The following HECW1 variants were observed in gnomAD, a reference collection of about 807,000 sequenced individuals.
HECW1 encodes E3 ubiquitin-protein ligase HECW1.
Under a neutral mutation model 182.3 loss-of-function variants are expected in HECW1, and 61 were observed. The observed-to-expected ratio is 0.33, with a 90% CI of 0.27 to 0.41. The LOEUF is 0.41. Ranked by LOEUF, HECW1 falls within the 10% of genes least tolerant of loss-of-function variation. The pLI is 1.00. For missense variants in HECW1, 1,739 were observed against 2,108.9 expected (o/e 0.82, Z 3.44); for synonymous variants, 859 against 832.6 (o/e 1.03, Z -0.55).
At chr7:43,114,739 T>C (rs569334934) in intron 2 of HECW1, among the ~76,000 whole-genome samples, 1 of 152,084 alleles carries the variant, frequency 6.6e-6, no homozygotes, top group Non-Finnish European at 1.5e-5. Context: ...TCTTTTTTTT[T>C]GGAGTAGTTT....
chr7:43,259,426 T>C (rs1355675140), intron 3 of HECW1, among the ~76,000 whole-genome samples: 1 of 151,248 alleles, frequency 6.6e-6, no homozygotes, highest in Non-Finnish European at 1.5e-5. Context: ...TTTAGAGTTA[T>C]AAAACATGGA....
intron 24 of HECW1, among the ~76,000 whole-genome samples, chr7:43,539,653 G>A (rs1229962917): frequency 2.5e-5 from 2 of 80,476 alleles, no homozygotes; most frequent in East Asian, 7.1e-4. Flanking sequence ...GGACCCTCAG[G>A]GGCCACCTCT....
At chr7:43,478,542 A>G (rs2078302604) in intron 16 of HECW1, among the ~76,000 whole-genome samples, 1 of 152,218 alleles carries the variant, frequency 6.6e-6, no homozygotes, top group Non-Finnish European at 1.5e-5. Flanking sequence ...GTAGTCATTA[A>G]AATTCTCCAT....
intron 5 of HECW1, among the ~76,000 whole-genome samples, chr7:43,332,291 C>T (rs564505748): frequency 3.9e-5 from 6 of 152,288 alleles, no homozygotes; most frequent in African/African-American, 9.6e-5. Context: ...CACAGACACA[C>T]GGAGCTGGAA....
At chr7:43,478,171 C>A (rs2078288789) in intron 16 of HECW1, among the ~76,000 whole-genome samples, 1 of 152,148 alleles carries the variant, frequency 6.6e-6, no homozygotes, top group African/African-American at 2.4e-5. Flanking sequence ...AACCCCAGCA[C>A]TTTGGGAGGG....
chr7:43,314,994 T>C (rs866246623), intron 4 of HECW1, among the ~76,000 whole-genome samples: 11 of 152,144 alleles, frequency 7.2e-5, no homozygotes, highest in African/African-American at 2.4e-4. Context: ...TAGCACAGCA[T>C]TGTGGTGCAG....
intron 5 of HECW1, among the ~76,000 whole-genome samples, chr7:43,325,647 G>A (rs538530018): frequency 3.3e-5 from 5 of 151,938 alleles, no homozygotes; most frequent in East Asian, 2.0e-4. Flanking sequence ...CGTAGGCACC[G>A]CCTCCTCACA....
chr7:43,197,059 G>T (rs1198009700), intron 2 of HECW1, among the ~76,000 whole-genome samples: 1 of 151,904 alleles, frequency 6.6e-6, no homozygotes, highest in Non-Finnish European at 1.5e-5. Flanking sequence ...AATTCTTAAA[G>T]AAAAGAAAAA....
intron 2 of HECW1, among the ~76,000 whole-genome samples, chr7:43,210,450 A>AGTGTGTGTGTGTGTGT (rs57987187): frequency 3.3e-4 from 48 of 145,510 alleles, no homozygotes; most frequent in African/African-American, 1.1e-3. Flanking sequence ...AGTAGAAGTG[A>AGTGTGTGTGTGTGTGT]GTGTGTGTGT....
At chr7:43,340,823 G>T (rs1024111611) in intron 5 of HECW1, among the ~76,000 whole-genome samples, 3 of 151,560 alleles carry the variant, frequency 2.0e-5, no homozygotes, top group African/African-American at 4.9e-5. Context: ...ATACCCAAAG[G>T]ATTATAAATC....
intron 3 of HECW1, among the ~76,000 whole-genome samples, chr7:43,267,245 T>C (rs1376526050): frequency 2.0e-5 from 3 of 152,130 alleles, no homozygotes; most frequent in East Asian, 3.8e-4. Context: ...GAGAACATCC[T>C]CAATAAATTT....
intron 2 of HECW1, among the ~76,000 whole-genome samples, chr7:43,171,893 G>C (rs931405387): frequency 6.6e-6 from 1 of 152,082 alleles, no homozygotes; most frequent in African/African-American, 2.4e-5. Flanking sequence ...CTTGTGTGCT[G>C]TGAGCTTTAA....
At chr7:43,133,767 A>G (rs1787215477) in intron 2 of HECW1, among the ~76,000 whole-genome samples, 1 of 151,466 alleles carries the variant, frequency 6.6e-6, no homozygotes, top group South Asian at 2.1e-4. Context: ...TTTATTTTGT[A>G]CTTTCTTATA....
At chr7:43,548,331 A>G (rs1194154720) in intron 26 of HECW1, among the ~76,000 whole-genome samples, 2 of 152,184 alleles carry the variant, frequency 1.3e-5, no homozygotes, top group African/African-American at 4.8e-5. Flanking sequence ...TAAGTCTCCA[A>G]AAAAATTCCC....
At chr7:43,260,068 G>GA (rs1055536703) in intron 3 of HECW1, among the ~76,000 whole-genome samples, 20 of 152,052 alleles carry the variant, frequency 1.3e-4, no homozygotes, top group Non-Finnish European at 2.9e-4. Flanking sequence ...GCAACCACAG[G>GA]AAAAAATGAT....
At chr7:43,409,764 G>A (rs2075735637) in intron 8 of HECW1, among the ~76,000 whole-genome samples, 1 of 152,152 alleles carries the variant, frequency 6.6e-6, no homozygotes, top group African/African-American at 2.4e-5. Flanking sequence ...CTGGCTAAAG[G>A]AGATTTGAAC....
At chr7:43,477,369 TATTTA>T (rs1368226988) in intron 16 of HECW1, among the ~76,000 whole-genome samples, 2 of 152,242 alleles carry the variant, frequency 1.3e-5, no homozygotes, top group African/African-American at 4.8e-5. Flanking sequence ...ATAAGGAACC[TATTTA>T]ATTTAATTTC....
rs539984365 is a variant in HECW1, at chr7:43,299,285, C to T, written c.28-12478C>T. Among the ~76,000 whole-genome samples, 4 of 152,284 alleles carry T rather than the reference C, an allele frequency of 2.6e-5. No homozygotes were observed. In the South Asian group the frequency reaches 6.2e-4, roughly 24 times the overall value. On this transcript the variant is annotated intron_variant, in intron 3 of 29. Coordinates refer to ENST00000395891, the MANE Select transcript of HECW1 (RefSeq NM_015052.5). ...AGCAAAGATTCCACGAGGCCGGAAT[C>T]GGTGGGAGAGGCCGTGGGGCTGGTA...
At chr7:43,305,768 T>TG (rs1266071237) in intron 3 of HECW1, among the ~76,000 whole-genome samples, 4 of 151,954 alleles carry the variant, frequency 2.6e-5, no homozygotes, top group African/African-American at 9.7e-5. Context: ...CCAGCTAATT[T>TG]TTTTTTTTTG....
Sources: allele counts gnomAD v4.1 joint callset (sites outside exome capture counted in the v4.1 genomes callset), GRCh38; gene constraint gnomAD v4.1.1; transcripts MANE v1.5; gene names NCBI Gene and HGNC (gene_info 2026-07-23, HGNC 2026-07-21).